The following ROPN1B variants were observed in gnomAD, a reference collection of about 807,000 sequenced individuals.
ROPN1B encodes the protein ropporin-1B.
Under a neutral mutation model 23.7 loss-of-function variants are expected in ROPN1B, and 13 were observed. The observed-to-expected ratio is 0.55, with a 90% CI of 0.36 to 0.87. The LOEUF is 0.87. Among genes scored for constraint, ROPN1B ranks in the 40% least tolerant of loss-of-function variants. The pLI, the probability that ROPN1B is intolerant of heterozygous loss-of-function variation, is 0.01. For synonymous variants in ROPN1B, 67 were observed against 100.4 expected, an observed-to-expected ratio of 0.67 and a Z score of 1.99; for missense variants, 183 against 249.2, an observed-to-expected ratio of 0.73 and a Z score of 1.79.
intron 5 of ROPN1B, among the ~76,000 whole-genome samples, chr3:125,980,505 C>T (rs568677951): frequency 1.3e-5 from 2 of 152,276 alleles, no homozygotes; most frequent in East Asian, 1.9e-4. Flanking sequence ...CGAACTGTGT[C>T]CCTCTGTGCC....
chr3:125,982,455 C>T lies in ROPN1B; in HGVS notation c.572+10C>T. The T allele has an allele frequency of 6.3e-7, 1 of 1,582,254 alleles. No individual in the cohort carries two copies. Among genetic ancestry groups the T allele is most frequent in the Non-Finnish European group, 8.6e-7 (1 of 1,168,410 alleles). On this transcript the variant is annotated intron_variant, in intron 6 of 6. Coordinates refer to ENST00000514116, the MANE Select transcript of ROPN1B (RefSeq NM_001308313.2). ...ACATTGAACAGGAAGTGTAAGTTAACTTTTACCAATTGGAGGTGAAAGAAT... is the reference window on the plus strand; with the variant it reads ...ACATTGAACAGGAAGTGTAAGTTAATTTTTACCAATTGGAGGTGAAAGAAT...
intron 5 of ROPN1B, among the ~76,000 whole-genome samples, chr3:125,978,669 G>A (rs376134703): frequency 2.6e-5 from 4 of 152,204 alleles, no homozygotes; most frequent in Admixed American, 6.5e-5. Flanking sequence ...TTTTGGTCTC[G>A]TCTCTCCCAG....
chr3:125,982,076 T>C (rs1387553827), intron 5 of ROPN1B, among the ~76,000 whole-genome samples, 194 bp from the exon 6 acceptor site: 3 of 152,242 alleles, frequency 2.0e-5, no homozygotes, highest in African/African-American at 7.2e-5. Context: ...AAAATAAAGA[T>C]ACCCAATACT....
intron 4 of ROPN1B, among the ~76,000 whole-genome samples, chr3:125,975,956 GA>G (rs1188258065): frequency 6.6e-6 from 1 of 152,120 alleles, no homozygotes; most frequent in Non-Finnish European, 1.5e-5. Context: ...TGTCTCTCCA[GA>G]AAAGTGCAGG....
In ROPN1B at chr3:125,972,174, C is replaced by G; in HGVS notation, c.116+4C>G. The G allele has an allele frequency of 1.2e-6, 2 of 1,613,962 alleles. No individual in the cohort carries two copies. Among genetic ancestry groups the G allele is most frequent in the Non-Finnish European group, 1.7e-6 (2 of 1,179,836 alleles). On this transcript the variant is annotated splice_donor_region_variant and intron_variant, in intron 3 of 6. Transcript: ENST00000514116. ...ACCTCATCCAGTGGGGGGCCGAGTA[C>G]GTGCTCCTTTCTCGCCTTCATCTCT... is the stretch of plus-strand genomic sequence containing the variant.
rs371948515 is a variant in ROPN1B at position 125,973,489 on chromosome 3, T to C, written c.116+1319T>C. On this transcript the variant is annotated intron_variant, in intron 3 of 6. Coordinates refer to ENST00000514116, the MANE Select transcript of ROPN1B (RefSeq NM_001308313.2). The stretch of plus-strand genomic sequence containing the variant: ...ACTTTAGCTTCAGAAGACTAATTTA[T>C]TTTGGCATAGTCAGATAGACAGACT... 4.3e-3 allele frequency: 756 copies of C among 174,590 alleles called. 5 individuals are homozygous for C. Among genetic ancestry groups the C allele is most frequent in the African/African-American group, 0.017 (707 of 41,660 alleles). 10.8% of individuals were successfully genotyped at this position (174,590 alleles called of 1,614,324 possible). A position where few individuals can be genotyped will look rare whatever the true frequency, so the allele number is the denominator to read the frequency against.
At position 125,983,290 on chromosome 3, in the gene ROPN1B, T is replaced by C. The variant is rs200772067; in HGVS notation, c.609T>C (p.Phe203=). ...GPDGLITVND[F]TQNPRVWLE is the part of the protein sequence containing the mutation. ...ATGGTTTAATCACGGTGAATGACTTTACCCAAAACCCCAGGGTTTGGCTGG... is the reference window on the plus strand; with the variant it reads ...ATGGTTTAATCACGGTGAATGACTTCACCCAAAACCCCAGGGTTTGGCTGG... Residue 203 remains phenylalanine, a synonymous_variant, in exon 7 of 7, where the codon TTT becomes TTC. Coordinates refer to ENST00000514116, the MANE Select transcript of ROPN1B (RefSeq NM_001308313.2). The C allele has an allele frequency of 2.5e-6, 4 of 1,613,826 alleles. No individual in the cohort carries two copies. Among genetic ancestry groups the C allele is most frequent in the East Asian group, 2.2e-5 (1 of 44,876 alleles).
At chr3:125,982,579 G>C in intron 6 of ROPN1B, 134 bp downstream of exon 6, 1 of 719,960 alleles carries the variant, frequency 1.4e-6, no homozygotes, top group Non-Finnish European at 2.2e-6. Flanking sequence ...CGATCTGAAA[G>C]AAAAGGAGAA....
At chr3:125,970,337 C>A (rs747889316) in intron 1 of ROPN1B, among the ~76,000 whole-genome samples, 3 of 152,196 alleles carry the variant, frequency 2.0e-5, no homozygotes, top group Non-Finnish European at 4.4e-5. Flanking sequence ...GTTGTCTGTG[C>A]TTGGTTCCAA....
At position 125,971,984 on chromosome 3, in the gene ROPN1B, A is replaced by G. The variant is rs543353168; in HGVS notation, c.-12-59A>G. 27 of 1,520,182 alleles carry G rather than the reference A, an allele frequency of 1.8e-5. No homozygotes were observed. In the East Asian group the frequency reaches 6.1e-4, roughly 35 times the overall value. The allele number at this position is 1,520,182 out of a possible 1,614,324, so 94.2% of individuals were successfully genotyped here. A position where few individuals can be genotyped will look rare whatever the true frequency, so the allele number is the denominator to read the frequency against. On this transcript the variant is annotated intron_variant, in intron 2 of 6. Transcript: ENST00000514116. ...GAGGCTGGGTGACCTCCTGTCCAGG[A>G]TTGCTCTCATCTTATGAGTCCAAGT...
chr3:125,979,676 AC>A (rs1188399679), intron 5 of ROPN1B, among the ~76,000 whole-genome samples: 9 of 152,294 alleles, frequency 5.9e-5, no homozygotes, highest in African/African-American at 2.2e-4. Context: ...TCTGGTGGAG[AC>A]CTTGCATCCT....
At chr3:125,980,857 T>C (rs1327672554) in intron 5 of ROPN1B, among the ~76,000 whole-genome samples, 1 of 152,106 alleles carries the variant, frequency 6.6e-6, no homozygotes, top group African/African-American at 2.4e-5. Flanking sequence ...CTCACAAGCA[T>C]GACTTACCAT....
At chr3:125,972,196 C>T in intron 3 of ROPN1B, 26 bp downstream of exon 3, 1 of 1,609,918 alleles carries the variant, frequency 6.2e-7, no homozygotes, top group African/African-American at 1.3e-5. Context: ...TCGCCTTCAT[C>T]TCTTGGAGGA....
At chr3:125,977,467 A>G in intron 5 of ROPN1B, 1 of 452,604 alleles carries the variant, frequency 2.2e-6, no homozygotes, top group South Asian at 2.2e-5. Context: ...CCTTCCATTC[A>G]TATTCCCAGA....
chr3:125,978,858 T>C (rs1406186919), intron 5 of ROPN1B, among the ~76,000 whole-genome samples: 2 of 152,064 alleles, frequency 1.3e-5, no homozygotes, highest in Admixed American at 6.6e-5. Context: ...TACCTCAGAG[T>C]AACAAAGAGT....
chr3:125,977,144 T>C lies in ROPN1B; in HGVS notation c.375T>C (p.Leu125=). ...EEIEWLKFLA[L]ACSALGVTIT... The stretch of plus-strand genomic sequence containing the variant: ...TCGAGTGGCTGAAGTTTTTAGCCCT[T>C]GCTTGCAGCGCTCTGGGAGTTGTAA... The change falls in exon 5 of 7, where the codon CTT becomes CTC. Residue 125 remains leucine, a synonymous_variant. Transcript: ENST00000514116. 2 of 1,249,466 alleles carry C rather than the reference T, an allele frequency of 1.6e-6. No individual in the cohort carries two copies. The highest frequency in any genetic ancestry group is 1.8e-5 in the Admixed American group (1 of 56,554). The allele number at this position is 1,249,466 out of a possible 1,614,324, so 77.4% of individuals were successfully genotyped here.
Position 125,983,262 on chromosome 3 carries a change from C to T in ROPN1B, c.581C>T (p.Pro194Leu). ...TACCTTTATCCAAACAGAATTGGTC[C>T]TGATGGTTTAATCACGGTGAATGAC... is the stretch of plus-strand genomic sequence containing the variant. ...LNYIEQEVIG[P>L]DGLITVNDFT... The change falls in exon 7 of 7, where the codon CCT (proline) becomes CTT (leucine). Residue 194 changes from proline (P) to leucine (L), a missense_variant. Transcript: ENST00000514116. 6.2e-7 allele frequency: 1 copy of T among 1,612,556 alleles called. No homozygotes were observed. The highest frequency in any genetic ancestry group is 8.5e-7 in the Non-Finnish European group (1 of 1,178,714).
intron 3 of ROPN1B, chr3:125,973,135 T>C (rs1010029343): frequency 1.1e-4 from 38 of 339,864 alleles, no homozygotes; most frequent in Admixed American, 3.3e-4. Context: ...AGTGGGAAAG[T>C]GAGAGTGAGA....
chr3:125,979,072 C>T (rs1938520960), intron 5 of ROPN1B, among the ~76,000 whole-genome samples: 1 of 152,114 alleles, frequency 6.6e-6, no homozygotes, highest in Non-Finnish European at 1.5e-5. Flanking sequence ...ATTCTATCCC[C>T]ACTTCTCTGC....
Sources: gnomAD v4.1 joint callset for allele counts (sites outside exome capture counted in the v4.1 genomes callset) on GRCh38, gnomAD v4.1.1 for gene constraint, MANE v1.5 for transcripts, NCBI Gene and HGNC (gene_info 2026-07-23, HGNC 2026-07-21) for gene names.